The following FCHSD2 variants were observed in gnomAD, a reference collection of about 807,000 sequenced individuals.
FCHSD2 encodes F-BAR and double SH3 domains protein 2.
Under a neutral mutation model 108.1 loss-of-function variants are expected in FCHSD2, and 38 were observed. The observed-to-expected ratio is 0.35, with a 90% confidence interval of 0.27 to 0.46. The LOEUF (loss-of-function observed/expected upper bound fraction) is 0.46. FCHSD2 is among the 20% of genes least tolerant of loss of function. The pLI is 1.00. For synonymous variants in FCHSD2, 279 were observed against 314.7 expected, an observed-to-expected ratio of 0.89 and a Z score of 1.20; for missense variants, 751 against 897.8, an observed-to-expected ratio of 0.84 and a Z score of 2.09.
chr11:72,940,529 GGA>G, intron 8 of FCHSD2: 1 of 926,790 alleles, frequency 1.1e-6, no homozygotes, highest in Non-Finnish European at 1.8e-6. Context: ...CAGGAGCTAT[GGA>G]GAAAGAAGTA....
intron 9 of FCHSD2, among the ~76,000 whole-genome samples, chr11:72,918,742 C>A (rs983931403): frequency 6.6e-6 from 1 of 151,938 alleles, no homozygotes; most frequent in Non-Finnish European, 1.5e-5. Context: ...TTTCTGAATT[C>A]TTTTTTTAAA....
At chr11:72,909,194 G>C (rs191384737) in intron 9 of FCHSD2, among the ~76,000 whole-genome samples, 2 of 151,838 alleles carry the variant, frequency 1.3e-5, no homozygotes, top group Admixed American at 1.3e-4. Context: ...ACGCCGCCAC[G>C]CCTGACTGGT....
chr11:73,056,919 A>T (rs1314406269), intron 3 of FCHSD2, among the ~76,000 whole-genome samples: 2 of 152,132 alleles, frequency 1.3e-5, no homozygotes, highest in Non-Finnish European at 2.9e-5. Context: ...CATCTCTACT[A>T]AAAATACAAA....
chr11:72,904,954 G>GT (rs1239067953), intron 9 of FCHSD2, among the ~76,000 whole-genome samples: 4 of 152,122 alleles, frequency 2.6e-5, no homozygotes, highest in Non-Finnish European at 5.9e-5. Flanking sequence ...TGGAATGGGT[G>GT]TTTTTTGTCT....
At chr11:73,075,165 G>A (rs1466262410) in intron 3 of FCHSD2, among the ~76,000 whole-genome samples, 1 of 152,150 alleles carries the variant, frequency 6.6e-6, no homozygotes, top group East Asian at 1.9e-4. Flanking sequence ...AAGTATAGGT[G>A]AGGATTTAAA....
intron 5 of FCHSD2, among the ~76,000 whole-genome samples, chr11:72,993,691 A>T (rs1411072724): frequency 6.8e-6 from 1 of 147,458 alleles, no homozygotes; most frequent in African/African-American, 2.5e-5. Flanking sequence ...TCTCACTCAT[A>T]GGTGGGAATT....
chr11:72,916,165 C>T (rs550951287), intron 9 of FCHSD2, among the ~76,000 whole-genome samples: 1 of 152,078 alleles, frequency 6.6e-6, no homozygotes, highest in Non-Finnish European at 1.5e-5. Context: ...CTCCATGACA[C>T]AAGTTTACCT....
At chr11:72,971,009 C>T (rs1051649135) in intron 8 of FCHSD2, among the ~76,000 whole-genome samples, 5 of 152,144 alleles carry the variant, frequency 3.3e-5, no homozygotes, top group African/African-American at 1.2e-4. Flanking sequence ...TCAACCTTCA[C>T]ATTTGAGTTT....
chr11:73,068,377 G>A (rs1859348125), intron 3 of FCHSD2, among the ~76,000 whole-genome samples: 1 of 151,574 alleles, frequency 6.6e-6, no homozygotes, highest in Non-Finnish European at 1.5e-5. Context: ...GGCGGAGAGA[G>A]AGCATCAGGA....
chr11:73,057,352 A>C (rs1859050685), intron 3 of FCHSD2, among the ~76,000 whole-genome samples: 2 of 152,174 alleles, frequency 1.3e-5, no homozygotes. Flanking sequence ...GAAGAAAAAA[A>C]ACAGCCAGGT....
At chr11:73,026,033 T>C (rs1019294168) in intron 3 of FCHSD2, among the ~76,000 whole-genome samples, 3 of 152,142 alleles carry the variant, frequency 2.0e-5, no homozygotes, top group Non-Finnish European at 4.4e-5. Flanking sequence ...TGTATGTATG[T>C]ATGTATTTTG....
At chr11:72,887,636 TTAAAG>T (rs1239837536) in intron 11 of FCHSD2, 62 bp from the exon 12 acceptor site, 1 of 1,045,992 alleles carries the variant, frequency 9.6e-7, no homozygotes, top group African/African-American at 1.7e-5. Flanking sequence ...CCTTAAGTGA[TTAAAG>T]TATTTACATA....
chr11:73,141,028 G>A (rs1481219723), intron 1 of FCHSD2, among the ~76,000 whole-genome samples: 1 of 152,218 alleles, frequency 6.6e-6, no homozygotes, highest in East Asian at 1.9e-4. Flanking sequence ...GGGGAGGACA[G>A]AACGGCCTCA....
intron 8 of FCHSD2, among the ~76,000 whole-genome samples, chr11:72,939,510 T>C (rs1349490829): frequency 6.6e-6 from 1 of 152,130 alleles, no homozygotes; most frequent in Non-Finnish European, 1.5e-5. Flanking sequence ...GCTGCCTGTT[T>C]GATGAATACA....
chr11:72,850,915 C>T (rs1166946159), intron 13 of FCHSD2, among the ~76,000 whole-genome samples: 1 of 150,894 alleles, frequency 6.6e-6, no homozygotes, highest in East Asian at 2.0e-4. Flanking sequence ...CATGGTGAAA[C>T]CTAACCCCAT....
At chr11:73,112,159 T>C (rs1860500839) in intron 2 of FCHSD2, among the ~76,000 whole-genome samples, 1 of 152,250 alleles carries the variant, frequency 6.6e-6, no homozygotes, top group Non-Finnish European at 1.5e-5. Context: ...CCTTTAGCAT[T>C]TCTTATAGGA....
At chr11:72,860,143 C>CA (rs528847471) in intron 13 of FCHSD2, among the ~76,000 whole-genome samples, 53 of 152,276 alleles carry the variant, frequency 3.5e-4, no homozygotes, top group Non-Finnish European at 6.2e-4. Context: ...GCTGGTCTGA[C>CA]AGGACGCAGA....
At chr11:72,957,928 A>G (rs1856746305) in intron 8 of FCHSD2, among the ~76,000 whole-genome samples, 1 of 152,230 alleles carries the variant, frequency 6.6e-6, no homozygotes, top group Admixed American at 6.5e-5. Context: ...CAAGTTTGGA[A>G]TTATATAAAC....
chr11:72,841,664 C>G (rs1240107548), intron 17 of FCHSD2, 81 bp from the exon 18 acceptor site: 2 of 1,360,424 alleles, frequency 1.5e-6, no homozygotes, highest in Non-Finnish European at 2.0e-6. Flanking sequence ...GCTCTGTACT[C>G]ATGCCTTTTC....
Sources: allele counts gnomAD v4.1 joint callset (sites outside exome capture counted in the v4.1 genomes callset), GRCh38; gene constraint gnomAD v4.1.1; transcripts MANE v1.5; gene names NCBI Gene and HGNC (gene_info 2026-07-23, HGNC 2026-07-21).